NRXN3: variants seen among roughly 807,000 people sequenced by gnomAD.
NRXN3 encodes the protein neurexin III.
A neutral mutation model predicts 137.6 loss-of-function variants in NRXN3; 32 were observed. That is an observed-to-expected ratio of 0.23 (90% CI 0.18 to 0.31). NRXN3 has a LOEUF of 0.31. NRXN3 is among the 10% of genes least tolerant of loss of function. NRXN3 has a pLI of 1.00. For synonymous variants in NRXN3, 798 were observed against 784.5 expected (o/e 1.02, Z -0.29); for missense variants, 1,574 against 2,062.5 (o/e 0.76, Z 4.59).
intron 15 of NRXN3, among the ~76,000 whole-genome samples, chr14:79,391,942 G>A (rs557159941): frequency 6.6e-6 from 1 of 152,306 alleles, no homozygotes; most frequent in East Asian, 1.9e-4. Context: ...CCCTCCTAGA[G>A]AGGGGGGATT....
At chr14:79,150,993 C>T (rs1340695298) in intron 15 of NRXN3, among the ~76,000 whole-genome samples, 1 of 151,992 alleles carries the variant, frequency 6.6e-6, no homozygotes, top group Non-Finnish European at 1.5e-5. Context: ...TTCTTGTCTC[C>T]ATGAAAAGAG....
At chr14:78,236,169 C>G (rs1403553033) in intron 1 of NRXN3, among the ~76,000 whole-genome samples, 9 of 152,144 alleles carry the variant, frequency 5.9e-5, no homozygotes, top group Admixed American at 4.6e-4. Flanking sequence ...TGTAAGTATA[C>G]AGCTCCCTTG....
At chr14:79,611,449 A>C (rs1003133061) in intron 16 of NRXN3, 1 of 152,254 alleles carries the variant, frequency 6.6e-6, no homozygotes, top group African/African-American at 2.4e-5. Flanking sequence ...AATACAAAAA[A>C]TTAGCCGGGC....
At chr14:78,965,450 T>C (rs2099415668) in intron 11 of NRXN3, among the ~76,000 whole-genome samples, 1 of 152,086 alleles carries the variant, frequency 6.6e-6, no homozygotes, top group African/African-American at 2.4e-5. Context: ...GTAGCTTGAT[T>C]AGGGTCAACT....
chr14:78,646,089 G>C (rs1237218120), intron 5 of NRXN3, among the ~76,000 whole-genome samples: 1 of 151,836 alleles, frequency 6.6e-6, no homozygotes, highest in Non-Finnish European at 1.5e-5. Context: ...AAAGTGGAAG[G>C]ACCCAAATAA....
intron 4 of NRXN3, among the ~76,000 whole-genome samples, chr14:78,361,573 G>T (rs1339393269): frequency 3.9e-5 from 6 of 152,168 alleles, no homozygotes; most frequent in Admixed American, 3.9e-4. Context: ...TGTCACATCT[G>T]CCCCTTCTGC....
chr14:78,414,423 G>C (rs2093016079), intron 4 of NRXN3, among the ~76,000 whole-genome samples: 1 of 152,124 alleles, frequency 6.6e-6, no homozygotes, highest in South Asian at 2.1e-4. Context: ...TAGTCACCAG[G>C]GGAGTTGTCC....
At chr14:78,364,336 C>G (rs1353328812) in intron 4 of NRXN3, among the ~76,000 whole-genome samples, 1 of 152,118 alleles carries the variant, frequency 6.6e-6, no homozygotes, top group Non-Finnish European at 1.5e-5. Flanking sequence ...GTATGCATAG[C>G]TGGGAGGCAG....
intron 15 of NRXN3, among the ~76,000 whole-genome samples, chr14:79,401,857 A>G (rs1005034233): frequency 2.6e-5 from 4 of 152,052 alleles, no homozygotes; most frequent in African/African-American, 9.7e-5. Flanking sequence ...AATGAAAAAA[A>G]AAAAAAACAA....
intron 15 of NRXN3, among the ~76,000 whole-genome samples, chr14:79,233,778 T>A (rs1361419279): frequency 6.6e-6 from 1 of 151,994 alleles, no homozygotes; most frequent in Non-Finnish European, 1.5e-5. Context: ...AAAGGTCCCA[T>A]GATGATCCTA....
chr14:79,495,577 C>T (rs1334791557), intron 16 of NRXN3, among the ~76,000 whole-genome samples: 1 of 152,040 alleles, frequency 6.6e-6, no homozygotes, highest in Admixed American at 6.5e-5. Context: ...ATTTATTGAG[C>T]GCTTATTACA....
chr14:78,657,229 C>A (rs369672857), intron 6 of NRXN3, among the ~76,000 whole-genome samples: 33 of 152,082 alleles, frequency 2.2e-4, no homozygotes, highest in Non-Finnish European at 2.6e-4. Flanking sequence ...CTGTCCTTGG[C>A]ATTACTGAGC....
intron 2 of NRXN3, among the ~76,000 whole-genome samples, chr14:78,265,638 A>T (rs2071564557): frequency 6.6e-6 from 1 of 152,132 alleles, no homozygotes; most frequent in African/African-American, 2.4e-5. Context: ...TTAATGTTGG[A>T]TTCTTCTCCC....
intron 20 of NRXN3, among the ~76,000 whole-genome samples, chr14:79,811,523 A>T (rs1206169452): frequency 6.6e-6 from 1 of 151,058 alleles, no homozygotes; most frequent in African/African-American, 2.4e-5. Flanking sequence ...TTAATGATAC[A>T]GTTTTTGTCT....
chr14:78,439,478 A>G (rs1189087905), intron 4 of NRXN3, among the ~76,000 whole-genome samples: 2 of 152,158 alleles, frequency 1.3e-5, no homozygotes, highest in Non-Finnish European at 2.9e-5. Flanking sequence ...AGGCAAATGT[A>G]ATTGGCATAC....
intron 4 of NRXN3, among the ~76,000 whole-genome samples, chr14:78,343,038 G>T (rs576139386): frequency 6.6e-6 from 1 of 152,224 alleles, no homozygotes; most frequent in Admixed American, 6.5e-5. Context: ...CCACAACTGG[G>T]AACTGTTAGA....
At chr14:78,557,246 A>G (rs1319785273) in intron 4 of NRXN3, among the ~76,000 whole-genome samples, 1 of 145,670 alleles carries the variant, frequency 6.9e-6, no homozygotes, top group Non-Finnish European at 1.5e-5. Context: ...GTAGAGATGC[A>G]GTCTCCCCAT....
intron 4 of NRXN3, among the ~76,000 whole-genome samples, chr14:78,599,709 T>A (rs2097187513): frequency 6.6e-6 from 1 of 152,222 alleles, no homozygotes; most frequent in Admixed American, 6.5e-5. Context: ...ACTCTTTTTT[T>A]ACACTATTCA....
intron 15 of NRXN3, among the ~76,000 whole-genome samples, chr14:79,252,576 G>T (rs931382249): frequency 2.0e-5 from 3 of 151,632 alleles, no homozygotes; most frequent in African/African-American, 4.8e-5. Context: ...TGTTGGGGGG[G>T]TGGTGGTGGG....
Sources: allele counts gnomAD v4.1 joint callset (sites outside exome capture counted in the v4.1 genomes callset), GRCh38; gene constraint gnomAD v4.1.1; transcripts MANE v1.5; gene names NCBI Gene and HGNC (gene_info 2026-07-23, HGNC 2026-07-21).